The following ODF2 variants were observed in gnomAD, a reference collection of about 807,000 sequenced individuals.
ODF2 encodes the protein outer dense fiber of sperm tails 2.
A neutral mutation model predicts 110.2 loss-of-function variants in ODF2; 47 were observed. The ratio of observed to expected loss-of-function variants is 0.43; its 90% confidence interval spans 0.34 to 0.54. The LOEUF (loss-of-function observed/expected upper bound fraction) is 0.54. ODF2 is among the 20% of genes least tolerant of loss of function. The pLI is 0.03. For missense variants in ODF2, 812 were observed against 1,054.5 expected, an observed-to-expected ratio of 0.77 and a Z score of 3.19; for synonymous variants, 352 against 397.7, an observed-to-expected ratio of 0.89 and a Z score of 1.37.
intron 4 of ODF2, among the ~76,000 whole-genome samples, chr9:128,461,815 T>C (rs1036630392): frequency 2.0e-5 from 3 of 152,230 alleles, no homozygotes; most frequent in Non-Finnish European, 4.4e-5. Flanking sequence ...CCTTGAAGTT[T>C]ATAGTCATAC....
rs879069967 is a variant in ODF2 at position 128,461,159 on chromosome 9, C to T, written c.249+92C>T. The T allele has an allele frequency of 4.8e-5, 71 of 1,487,206 alleles. No individual in the cohort carries two copies. In the South Asian group the frequency reaches 8.3e-4, roughly 17 times the overall value. The allele number at this position is 1,487,206 out of a possible 1,614,324, so 92.1% of individuals were successfully genotyped here. A position where few individuals can be genotyped will look rare whatever the true frequency, so the allele number is the denominator to read the frequency against. ...TATGATTCAGGGTCAGCTATAGCTA[C>T]TGGAATGTCCTAACAGACCCCATTT... On this transcript the variant is annotated intron_variant, in intron 4 of 20. Transcript: ENST00000604420.
intron 8 of ODF2, 140 bp from the exon 9 acceptor site, chr9:128,481,440 G>A: frequency 1.8e-6 from 1 of 559,282 alleles, no homozygotes; most frequent in Non-Finnish European, 3.1e-6. Context: ...TTGCACCACT[G>A]CACTCCAGCC....
chr9:128,455,470 C>T, upstream of ODF2: 1 of 232,234 alleles, frequency 4.3e-6, no homozygotes, highest in South Asian at 6.3e-5. Context: ...AGGAGAATGG[C>T]GTGAACCCGG....
intron 2 of ODF2, among the ~76,000 whole-genome samples, chr9:128,458,346 C>G (rs1187495945): frequency 6.6e-6 from 1 of 151,836 alleles, no homozygotes; most frequent in Non-Finnish European, 1.5e-5. Context: ...CCCAGCTACT[C>G]AGGAGCCTGG....
In ODF2 at chr9:128,494,415, C is replaced by T; in HGVS notation, c.1753-95C>T. 8.8e-7 allele frequency: 1 copy of T among 1,139,914 alleles called. No individual in the cohort carries two copies. The highest frequency in any genetic ancestry group is 1.3e-6 in the Non-Finnish European group (1 of 779,048). 70.6% of individuals were successfully genotyped at this position (1,139,914 alleles called of 1,614,324 possible). On this transcript the variant is annotated intron_variant, in intron 16 of 20. Transcript: ENST00000604420. The surrounding 1 kb of genome is among the most constrained non-coding windows in gnomAD (Gnocchi z 4.6). Reference sequence around the variant, plus strand: ...CCACTGGGGACTGTGTCAGCCCTGCCCTAACTCTAAAGGACTCTGCCTGGC... The same window carrying T: ...CCACTGGGGACTGTGTCAGCCCTGCTCTAACTCTAAAGGACTCTGCCTGGC...
At chr9:128,482,816 C>A (rs761492169) in exon 10 of ODF2, 1 of 1,613,326 alleles carries the variant, frequency 6.2e-7, no homozygotes, top group Admixed American at 1.7e-5. Flanking sequence ...TCTCTCCCAG[C>A]GCCTGCTGTT....
chr9:128,459,878 A>G (rs951468431), intron 3 of ODF2, among the ~76,000 whole-genome samples: 2 of 152,292 alleles, frequency 1.3e-5, no homozygotes, highest in East Asian at 1.9e-4. Context: ...TTATTCTTCC[A>G]GCCAAATCCT....
Position 128,487,996 on chromosome 9 carries a change from G to A in ODF2, c.1507G>A (p.Ala503Thr), listed in dbSNP as rs750510737. 8.1e-6 allele frequency: 13 copies of A among 1,613,928 alleles called. No homozygotes were observed. In the Admixed American group the frequency reaches 1.3e-4, roughly 17 times the overall value. ...ACACCGTCAGACTGCTGAGTATTCC[G>A]CATTCAAGCTGGAGAATGAGAGGCT... Residue 503 changes from alanine (A) to threonine (T), a missense_variant, in exon 14 of 21, where the codon GCA becomes ACA. Around this residue, in one of 5 missense-constraint regions of ODF2, gnomAD observed 165 missense variants for 293.4 expected, o/e 0.56. Coordinates refer to ENST00000604420, the Ensembl canonical transcript of ODF2.
At chr9:128,474,509 TAGTC>T (rs112333831) in intron 8 of ODF2, among the ~76,000 whole-genome samples, 3,703 of 148,492 alleles carry the variant, frequency 0.025, 152 homozygotes, top group African/African-American at 0.086. Flanking sequence ...AAAAAAAAAT[TAGTC>T]AGCCAGGTGT....
intron 9 of ODF2, among the ~76,000 whole-genome samples, chr9:128,481,948 GTAT>G (rs2131985788): frequency 6.6e-6 from 1 of 152,270 alleles, no homozygotes; most frequent in South Asian, 2.1e-4. Flanking sequence ...CATCAAATTA[GTAT>G]TATGGATTCA....
chr9:128,492,990 TTCCTC>T (rs960340712), intron 16 of ODF2, among the ~76,000 whole-genome samples, 185 bp downstream of exon 16: 2 of 152,108 alleles, frequency 1.3e-5, no homozygotes, highest in African/African-American at 4.8e-5. Flanking sequence ...TCTTTCTTGT[TTCCTC>T]TCTTCTCTCT....
chr9:128,462,820 C>T (rs1399827549), intron 4 of ODF2, among the ~76,000 whole-genome samples: 2 of 152,126 alleles, frequency 1.3e-5, no homozygotes, highest in Non-Finnish European at 2.9e-5. Flanking sequence ...GTCTCGATCT[C>T]CTGACCTCAT....
intron 5 of ODF2, among the ~76,000 whole-genome samples, chr9:128,470,696 C>T (rs577737979): frequency 9.2e-5 from 14 of 152,062 alleles, no homozygotes; most frequent in African/African-American, 3.1e-4. Flanking sequence ...ATCTCTCCTC[C>T]TATGGTGTGC....
chr9:128,484,567 G>A, intron 11 of ODF2, 134 bp from the exon 12 acceptor site: 1 of 920,374 alleles, frequency 1.1e-6, no homozygotes. Flanking sequence ...ACACAGCTAA[G>A]CACTTTTTTC....
chr9:128,477,795 C>T (rs2131893516), intron 8 of ODF2, among the ~76,000 whole-genome samples: 1 of 151,580 alleles, frequency 6.6e-6, no homozygotes, highest in Non-Finnish European at 1.5e-5. Flanking sequence ...GACGGGGTTT[C>T]ACCATGTTGT....
In ODF2 at chr9:128,494,410, C is replaced by T; in HGVS notation, c.1753-100C>T. 1 of 1,061,146 alleles carries T rather than the reference C, an allele frequency of 9.4e-7. No individual in the cohort carries two copies. The highest frequency in any genetic ancestry group is 1.5e-5 in the South Asian group (1 of 68,442). The allele number at this position is 1,061,146 out of a possible 1,614,324, so 65.7% of individuals were successfully genotyped here. A position where few individuals can be genotyped will look rare whatever the true frequency, so the allele number is the denominator to read the frequency against. ...ATCCTCCACTGGGGACTGTGTCAGC[C>T]CTGCCCTAACTCTAAAGGACTCTGC... On this transcript the variant is annotated intron_variant, in intron 16 of 20. Transcript: ENST00000604420. This position sits in a 1 kb window ranked among gnomAD's most constrained non-coding sequence, Gnocchi z 4.6.
At chr9:128,487,440 T>C (rs1288378513) in intron 13 of ODF2, among the ~76,000 whole-genome samples, 10 of 152,044 alleles carry the variant, frequency 6.6e-5, no homozygotes, top group Non-Finnish European at 1.0e-4. Context: ...AGGCAGTATA[T>C]TGAGTGATGA....
At chr9:128,457,287 A>T in exon 2 of ODF2, 1 of 1,604,792 alleles carries the variant, frequency 6.2e-7, no homozygotes, top group Non-Finnish European at 8.5e-7. Context: ...TTCTCCCCTC[A>T]GAGAGGACGT....
At chr9:128,459,629 C>T (rs754240664) in exon 3 of ODF2, 1 of 1,613,906 alleles carries the variant, frequency 6.2e-7, no homozygotes, top group Admixed American at 1.7e-5. Flanking sequence ...TTGAGAGCAC[C>T]TTGTGGCGCA....
Sources: allele counts gnomAD v4.1 joint callset (sites outside exome capture counted in the v4.1 genomes callset), GRCh38; gene constraint gnomAD v4.1.1; regional missense constraint gnomAD v4.1.1; non-coding constraint Gnocchi (gnomAD v3.1); transcripts MANE v1.5; gene names NCBI Gene and HGNC (gene_info 2026-07-23, HGNC 2026-07-21).